DNAI7: variants seen among roughly 807,000 people sequenced by gnomAD.
DNAI7 encodes the protein cancer susceptibility 1.
In DNAI7, 78 loss-of-function variants were observed where a neutral mutation model predicts 86.6. The ratio of observed to expected loss-of-function variants is 0.90; its 90% CI spans 0.75 to 1.09. The LOEUF is 1.09. Among genes scored for constraint, DNAI7 ranks in the 50% least tolerant of loss-of-function variants. The probability of loss-of-function intolerance (pLI) is 0.00; values close to 1 mark genes in which losing one functional copy is unlikely to be tolerated. For synonymous variants in DNAI7, 274 were observed against 273.0 expected (o/e 1.00, Z -0.04); for missense variants, 753 against 810.2 (o/e 0.93, Z 0.86).
chr12:25,161,254 A>G lies in DNAI7; in HGVS notation c.22-57T>C. On this transcript the variant is annotated intron_variant, in intron 2 of 15. Coordinates refer to ENST00000395987, the MANE Select transcript of DNAI7 (RefSeq NM_018272.5). ...TTAACATGCAAGTTACTTGAAAAAC[A>G]CATCTTTTCAAATACTAATTATGAA... The G allele has an allele frequency of 2.9e-6, 4 of 1,401,484 alleles. No individual in the cohort carries two copies. The South Asian group carries it at 4.7e-5, about 16-fold the overall frequency. The allele number at this position is 1,401,484 out of a possible 1,614,324, so 86.8% of individuals were successfully genotyped here.
chr12:25,122,124 A>G (rs1941396517), intron 10 of DNAI7, among the ~76,000 whole-genome samples: 1 of 152,148 alleles, frequency 6.6e-6, no homozygotes, highest in South Asian at 2.1e-4. Context: ...GGGAGGACAT[A>G]ATTTTTATTT....
At chr12:25,154,175 T>G in intron 6 of DNAI7, 144 bp downstream of exon 6, 1 of 620,064 alleles carries the variant, frequency 1.6e-6, no homozygotes, top group African/African-American at 1.9e-5. Context: ...AAAAAGAAAA[T>G]GAAAAGATTA....
intron 13 of DNAI7, among the ~76,000 whole-genome samples, chr12:25,112,556 A>G (rs374218827): frequency 1.4e-3 from 216 of 151,672 alleles, no homozygotes; most frequent in South Asian, 9.2e-3. Context: ...ACAGGCGCCC[A>G]CCACCACACC....
At chr12:25,128,856 C>T (rs1165364478) in intron 9 of DNAI7, among the ~76,000 whole-genome samples, 1 of 152,172 alleles carries the variant, frequency 6.6e-6, no homozygotes, top group Non-Finnish European at 1.5e-5. Context: ...GTTCTCCATA[C>T]AGTAGCCAGA....
chr12:25,107,626 T>C (rs1949282990), downstream of DNAI7, among the ~76,000 whole-genome samples: 1 of 152,294 alleles, frequency 6.6e-6, no homozygotes, highest in African/African-American at 2.4e-5. Context: ...ACATCATTTC[T>C]TTAATCCTAA....
intron 2 of DNAI7, among the ~76,000 whole-genome samples, chr12:25,170,872 T>G (rs1948062502): frequency 6.6e-6 from 1 of 152,184 alleles, no homozygotes; most frequent in African/African-American, 2.4e-5. Context: ...ACCTGCTGAA[T>G]GAGCATTGGG....
At chr12:25,137,704 T>C (rs1943708662) in intron 9 of DNAI7, among the ~76,000 whole-genome samples, 1 of 152,060 alleles carries the variant, frequency 6.6e-6, no homozygotes, top group Admixed American at 6.6e-5. Context: ...AAAAAGACAT[T>C]CCATGCAAAT....
At chr12:25,140,654 T>C (rs1034094302) in intron 9 of DNAI7, among the ~76,000 whole-genome samples, 10 of 151,720 alleles carry the variant, frequency 6.6e-5, no homozygotes, top group African/African-American at 2.4e-4. Context: ...ATCTACAAAT[T>C]CAATGCAATT....
intron 13 of DNAI7, among the ~76,000 whole-genome samples, chr12:25,113,938 G>GTTTTTTTTTTT (rs112532652): frequency 6.0e-5 from 5 of 82,834 alleles, no homozygotes; most frequent in African/African-American, 2.0e-4. Flanking sequence ...TTCTTTCTGG[G>GTTTTTTTTTTT]TTTTTTTTTT....
intron 14 of DNAI7, 46 bp downstream of exon 14, chr12:25,111,726 C>G (rs1353262192): frequency 7.9e-7 from 1 of 1,273,020 alleles, no homozygotes; most frequent in Non-Finnish European, 1.1e-6. Flanking sequence ...TAATTGCTAA[C>G]ATTTTAAATG....
intron 14 of DNAI7, among the ~76,000 whole-genome samples, 183 bp downstream of exon 14, chr12:25,111,589 G>C (rs1049869215): frequency 6.6e-6 from 1 of 152,038 alleles, no homozygotes; most frequent in African/African-American, 2.4e-5. Flanking sequence ...TCGCACTACA[G>C]GCTTACTTTC....
intron 9 of DNAI7, among the ~76,000 whole-genome samples, chr12:25,123,571 A>C (rs1941650454): frequency 6.6e-6 from 1 of 152,194 alleles, no homozygotes; most frequent in African/African-American, 2.4e-5. Flanking sequence ...GCAAGCTATA[A>C]AAAATATTAT....
intron 2 of DNAI7, among the ~76,000 whole-genome samples, chr12:25,162,603 T>C (rs117280664): frequency 0.059 from 8,983 of 152,300 alleles, 364 homozygotes; most frequent in Non-Finnish European, 0.089. Flanking sequence ...GTTCACCTTC[T>C]CTAAGATGCT....
At chr12:25,118,953 T>C (rs1940727838) in intron 12 of DNAI7, among the ~76,000 whole-genome samples, 192 bp downstream of exon 12, 1 of 152,222 alleles carries the variant, frequency 6.6e-6, no homozygotes, top group South Asian at 2.1e-4. Flanking sequence ...TAGGAGTTAA[T>C]AGTTACAACA....
At chr12:25,184,150 C>CATAT (rs1336350248) in intron 2 of DNAI7, among the ~76,000 whole-genome samples, 1 of 152,158 alleles carries the variant, frequency 6.6e-6, no homozygotes, top group Non-Finnish European at 1.5e-5. Context: ...GTAATTCACC[C>CATAT]ATATAAAGTG....
intron 9 of DNAI7, among the ~76,000 whole-genome samples, chr12:25,131,165 CAA>C (rs11368564): frequency 6.8e-6 from 1 of 147,312 alleles, no homozygotes. Flanking sequence ...TACCCCCAAC[CAA>C]AAAAAAAAAG....
chr12:25,133,578 G>A (rs1214859830), intron 9 of DNAI7, among the ~76,000 whole-genome samples: 2 of 152,138 alleles, frequency 1.3e-5, no homozygotes, highest in Admixed American at 1.3e-4. Context: ...TCCTGCCCTG[G>A]CACACCTCAC....
At chr12:25,129,772 T>A (rs12819236) in intron 9 of DNAI7, among the ~76,000 whole-genome samples, 60,197 of 151,266 alleles carry the variant, frequency 0.4, 13,818 homozygotes, top group East Asian at 0.77. Context: ...TTTTTATTTT[T>A]TTTTTTTGAC....
chr12:25,119,612 G>C (rs1008250195), intron 11 of DNAI7, among the ~76,000 whole-genome samples: 1 of 152,138 alleles, frequency 6.6e-6, no homozygotes, highest in South Asian at 2.1e-4. Context: ...GAAAAATCAA[G>C]TAATTTGACA....
Sources: allele counts gnomAD v4.1 joint callset (sites outside exome capture counted in the v4.1 genomes callset), GRCh38; gene constraint gnomAD v4.1.1; transcripts MANE v1.5; gene names NCBI Gene and HGNC (gene_info 2026-07-23, HGNC 2026-07-21).